ADA: variants seen among roughly 807,000 people sequenced by gnomAD.
ADA encodes adenosine aminohydrolase.
ADA carries 45 observed loss-of-function variants against 49.0 expected under a neutral mutation model. The ratio of observed to expected loss-of-function variants is 0.92; its 90% CI spans 0.72 to 1.18. The LOEUF (loss-of-function observed/expected upper bound fraction) is 1.18, where lower values mean the gene tolerates loss of function less well. Ranked by LOEUF, ADA falls within the 50% of genes most tolerant of loss-of-function variation. The pLI, the probability that ADA is intolerant of heterozygous loss-of-function variation, is 0.00. For synonymous variants in ADA, 173 were observed against 184.2 expected, an observed-to-expected ratio of 0.94 and a Z score of 0.49; for missense variants, 445 against 472.5, an observed-to-expected ratio of 0.94 and a Z score of 0.54.
intron 1 of ADA, among the ~76,000 whole-genome samples, chr20:44,638,345 G>A (rs1050730543): frequency 1.3e-5 from 2 of 152,220 alleles, no homozygotes; most frequent in South Asian, 4.1e-4. Flanking sequence ...GGAGGCCGAG[G>A]TGGGTGGATC....
Position 44,631,050 on chromosome 20 carries a change from G to T in ADA, c.96-1881C>A, listed in dbSNP as rs571030695. On this transcript the variant is annotated intron_variant, in intron 2 of 11. Coordinates refer to ENST00000372874, the MANE Select transcript of ADA (RefSeq NM_000022.4). ...AAGAATAAAGGAGGAAAGTGCCAAAGAAACAGAAGTTTGACCAAATAGTGT... is the reference window on the plus strand; with the variant it reads ...AAGAATAAAGGAGGAAAGTGCCAAATAAACAGAAGTTTGACCAAATAGTGT... 2.0e-5 allele frequency among the ~76,000 whole-genome samples: 3 copies of T among 152,304 alleles called. No individual in the cohort carries two copies. In the South Asian group the frequency reaches 6.2e-4, roughly 32 times the overall value.
At chr20:44,643,400 G>A (rs1344554922) in intron 1 of ADA, among the ~76,000 whole-genome samples, 1 of 152,182 alleles carries the variant, frequency 6.6e-6, no homozygotes, top group African/African-American at 2.4e-5. Flanking sequence ...TGTGGGCCTA[G>A]CCTCAGACAT....
chr20:44,629,253 G>C, intron 2 of ADA, 84 bp from the exon 3 acceptor site: 1 of 1,594,592 alleles, frequency 6.3e-7, no homozygotes, highest in Middle Eastern at 1.8e-4. Flanking sequence ...AGACTCAGGA[G>C]CGCCAGCCTC....
At position 44,625,698 on chromosome 20, in the gene ADA, G is replaced by A. The variant is rs1412642140; in HGVS notation, c.363-14C>T. On this transcript the variant is annotated splice_polypyrimidine_tract_variant and intron_variant, in intron 4 of 11. Coordinates refer to ENST00000372874, the MANE Select transcript of ADA (RefSeq NM_000022.4). ...GTGAGGTCCCCTCTGTGTGAGGAGA[G>A]GAGTAGGGATGGGCCTGAGGCAAAA... 1 of 1,550,528 alleles carries A rather than the reference G, an allele frequency of 6.4e-7. No homozygotes were observed. The highest frequency in any genetic ancestry group is 1.4e-5 in the African/African-American group (1 of 73,340).
intron 2 of ADA, among the ~76,000 whole-genome samples, chr20:44,635,474 ATCC>A (rs2065471319): frequency 6.6e-6 from 1 of 152,176 alleles, no homozygotes; most frequent in Non-Finnish European, 1.5e-5. Context: ...CAGAGAGCGT[ATCC>A]TCCTCTTCCA....
chr20:44,645,606 A>G lies in ADA; in HGVS notation c.33+5969T>C, dbSNP rs201363082. On this transcript the variant is annotated intron_variant, in intron 1 of 11. Coordinates refer to ENST00000372874, the MANE Select transcript of ADA (RefSeq NM_000022.4). Reference sequence around the variant, plus strand: ...CACTGCACTCCAGCCTGGGCGACAGAGTGAGACTCTGTCTCAAAAGTCAAA... The same window carrying G: ...CACTGCACTCCAGCCTGGGCGACAGGGTGAGACTCTGTCTCAAAAGTCAAA... 2.0e-5 allele frequency among the ~76,000 whole-genome samples: 3 copies of G among 152,126 alleles called. No homozygotes were observed. The East Asian group carries it at 5.8e-4, about 29-fold the overall frequency.
At chr20:44,637,907 A>G (rs983595676) in intron 1 of ADA, among the ~76,000 whole-genome samples, 1 of 152,198 alleles carries the variant, frequency 6.6e-6, no homozygotes, top group Non-Finnish European at 1.5e-5. Flanking sequence ...CGGGTTCTCA[A>G]AATATGCTCA....
intron 3 of ADA, among the ~76,000 whole-genome samples, chr20:44,628,310 A>G (rs1454545370): frequency 4.6e-5 from 7 of 152,080 alleles, no homozygotes; most frequent in African/African-American, 1.7e-4. Context: ...AGATCACCTG[A>G]GGTCAGGAAT....
At chr20:44,640,455 G>A (rs933634795) in intron 1 of ADA, among the ~76,000 whole-genome samples, 2 of 151,252 alleles carry the variant, frequency 1.3e-5, no homozygotes, top group African/African-American at 4.9e-5. Context: ...ATCACCTGAG[G>A]TCAGGAGTTC....
intron 9 of ADA, among the ~76,000 whole-genome samples, 178 bp downstream of exon 9, chr20:44,622,410 C>T: frequency 6.6e-6 from 1 of 152,246 alleles, no homozygotes; most frequent in East Asian, 1.9e-4. Context: ...AGCCACAGCA[C>T]ATCTGGGCCT....
At chr20:44,620,923 C>A (rs1240018006) in intron 10 of ADA, 95 bp downstream of exon 10, 1 of 1,557,904 alleles carries the variant, frequency 6.4e-7, no homozygotes, top group Non-Finnish European at 8.8e-7. Flanking sequence ...GGCAGACTCA[C>A]TCCCTCTCTC....
At chr20:44,639,182 T>C (rs75427816) in intron 1 of ADA, among the ~76,000 whole-genome samples, 205 of 152,268 alleles carry the variant, frequency 1.3e-3, no homozygotes, top group Non-Finnish European at 2.0e-3. Flanking sequence ...ATTTGAAAGA[T>C]GACGGTGGCT....
At chr20:44,628,737 G>A (rs2065405628) in intron 3 of ADA, among the ~76,000 whole-genome samples, 1 of 139,272 alleles carries the variant, frequency 7.2e-6, no homozygotes, top group Non-Finnish European at 1.5e-5. Flanking sequence ...CTCACAACAC[G>A]AAGCCCTGAA....
chr20:44,642,680 T>TA (rs927678488), intron 1 of ADA, among the ~76,000 whole-genome samples: 1 of 151,982 alleles, frequency 6.6e-6, no homozygotes, highest in Non-Finnish European at 1.5e-5. Flanking sequence ...GAGTCCCCTT[T>TA]AAAAAAACCT....
intron 10 of ADA, chr20:44,620,639 C>G (rs2065321123): frequency 5.0e-6 from 3 of 601,670 alleles, no homozygotes; most frequent in East Asian, 5.9e-5. Flanking sequence ...CTTTGAGAGA[C>G]AGGGTGGCAT....
chr20:44,637,925 G>A (rs2065495295), intron 1 of ADA, among the ~76,000 whole-genome samples: 1 of 152,188 alleles, frequency 6.6e-6, no homozygotes, highest in Non-Finnish European at 1.5e-5. Context: ...TCAGCATTGG[G>A]AATACTGAAG....
intron 1 of ADA, 121 bp downstream of exon 1, chr20:44,651,454 A>T: frequency 1.0e-6 from 1 of 1,000,204 alleles, no homozygotes; most frequent in Non-Finnish European, 1.5e-6. Flanking sequence ...CGAAGGAAGA[A>T]CTCGCCTGCA....
At chr20:44,626,278 T>C (rs1358675925) in intron 4 of ADA, 178 bp downstream of exon 4, 1 of 858,008 alleles carries the variant, frequency 1.2e-6, no homozygotes, top group Non-Finnish European at 1.8e-6. Context: ...AAAGGGAGGA[T>C]GGGAACCACG....
chr20:44,620,824 A>G, intron 10 of ADA, 194 bp downstream of exon 10: 1 of 719,100 alleles, frequency 1.4e-6, no homozygotes, highest in East Asian at 2.8e-5. Flanking sequence ...CAAGCAAAGG[A>G]TCAAAAACCT....
Sources: gnomAD v4.1 joint callset for allele counts (sites outside exome capture counted in the v4.1 genomes callset) on GRCh38, gnomAD v4.1.1 for gene constraint, MANE v1.5 for transcripts, NCBI Gene and HGNC (gene_info 2026-07-23, HGNC 2026-07-21) for gene names.